The following ELMO1 variants were observed in gnomAD, a reference collection of about 807,000 sequenced individuals.
The protein encoded by ELMO1 is engulfment and cell motility 1, also known as engulfment and cell motility protein 1.
A neutral mutation model predicts 98.9 loss-of-function variants in ELMO1; 26 were observed. The observed-to-expected ratio is 0.26, with a 90% CI of 0.19 to 0.36. ELMO1 has a LOEUF of 0.36. ELMO1 is among the 10% of genes least tolerant of loss of function. ELMO1 has a pLI of 1.00. For missense variants in ELMO1, 627 were observed against 935.2 expected (o/e 0.67, Z 4.30); for synonymous variants, 346 against 346.0 (o/e 1.00, Z 0.00).
At chr7:37,252,803 A>G (rs1795426422) in intron 6 of ELMO1, among the ~76,000 whole-genome samples, 1 of 152,054 alleles carries the variant, frequency 6.6e-6, no homozygotes, top group Non-Finnish European at 1.5e-5. Flanking sequence ...AACCTACAGA[A>G]TGGGAGAAAA....
At chr7:37,303,070 T>C (rs1798428659) in intron 4 of ELMO1, among the ~76,000 whole-genome samples, 1 of 151,018 alleles carries the variant, frequency 6.6e-6, no homozygotes, top group Admixed American at 6.6e-5. Context: ...CTGCCCCCTA[T>C]GCCTGCCCTT....
intron 16 of ELMO1, among the ~76,000 whole-genome samples, chr7:36,974,023 C>T (rs186758984): frequency 6.6e-6 from 1 of 152,230 alleles, no homozygotes; most frequent in African/African-American, 2.4e-5. Flanking sequence ...AGCCTCCCCC[C>T]CACTCCGTGG....
At chr7:37,223,131 C>T (rs902343596) in intron 9 of ELMO1, among the ~76,000 whole-genome samples, 7 of 152,072 alleles carry the variant, frequency 4.6e-5, no homozygotes, top group Admixed American at 6.6e-5. Flanking sequence ...AATTGGATGG[C>T]TCTATTATAT....
chr7:36,959,871 G>C (rs1788798003), intron 16 of ELMO1, among the ~76,000 whole-genome samples: 1 of 152,078 alleles, frequency 6.6e-6, no homozygotes, highest in African/African-American at 2.4e-5. Context: ...AGTAGAGATA[G>C]GGTTTCACCA....
intron 14 of ELMO1, among the ~76,000 whole-genome samples, chr7:37,121,471 G>A (rs1414813278): frequency 6.6e-6 from 1 of 152,178 alleles, no homozygotes; most frequent in Non-Finnish European, 1.5e-5. Context: ...AGAACCACAT[G>A]ATAAATGCAC....
intron 7 of ELMO1, among the ~76,000 whole-genome samples, chr7:37,236,362 T>C (rs182757666): frequency 1.8e-3 from 276 of 152,332 alleles, no homozygotes; most frequent in African/African-American, 6.1e-3. Context: ...AGACTGCAAA[T>C]AGAGCTATAT....
At chr7:36,922,643 A>T (rs184534400) in intron 16 of ELMO1, among the ~76,000 whole-genome samples, 1 of 152,356 alleles carries the variant, frequency 6.6e-6, no homozygotes, top group Admixed American at 6.5e-5. Flanking sequence ...CATCTTATAA[A>T]TGAATATGAC....
chr7:37,366,719 C>A (rs1038382192), intron 1 of ELMO1, among the ~76,000 whole-genome samples: 1 of 152,228 alleles, frequency 6.6e-6, no homozygotes, highest in Non-Finnish European at 1.5e-5. Context: ...CACCTCCCAA[C>A]ATGGTGCAGT....
chr7:36,979,349 T>C (rs899169116), intron 16 of ELMO1, among the ~76,000 whole-genome samples: 1 of 152,252 alleles, frequency 6.6e-6, no homozygotes, highest in Admixed American at 6.5e-5. Context: ...TCATGGGAAA[T>C]GTACCTTCTT....
chr7:37,245,676 G>A (rs900918489), intron 6 of ELMO1, among the ~76,000 whole-genome samples: 4 of 152,146 alleles, frequency 2.6e-5, no homozygotes, highest in African/African-American at 9.7e-5. Flanking sequence ...CAGCACGCAA[G>A]GGCCAGAGGC....
chr7:37,242,355 C>T (rs774961099), intron 7 of ELMO1, among the ~76,000 whole-genome samples: 4 of 152,158 alleles, frequency 2.6e-5, no homozygotes, highest in Non-Finnish European at 5.9e-5. Flanking sequence ...TCATTACACT[C>T]ATACTTTTCT....
intron 17 of ELMO1, among the ~76,000 whole-genome samples, chr7:36,888,628 C>A (rs1367526150): frequency 6.6e-6 from 1 of 152,126 alleles, no homozygotes; most frequent in African/African-American, 2.4e-5. Context: ...GCTGTGACTC[C>A]CAAATGAGAC....
At chr7:36,984,775 T>C (rs1459995997) in intron 16 of ELMO1, 2 of 473,244 alleles carry the variant, frequency 4.2e-6, no homozygotes. Flanking sequence ...TTCAGGCACA[T>C]AAGACAGGAA....
At chr7:36,978,854 A>G (rs1457872446) in intron 16 of ELMO1, among the ~76,000 whole-genome samples, 1 of 152,246 alleles carries the variant, frequency 6.6e-6, no homozygotes, top group Non-Finnish European at 1.5e-5. Flanking sequence ...ATGAGTTGTT[A>G]GGAGATATTA....
intron 16 of ELMO1, among the ~76,000 whole-genome samples, chr7:36,931,919 A>T (rs561309293): frequency 6.6e-6 from 1 of 152,238 alleles, no homozygotes; most frequent in Non-Finnish European, 1.5e-5. Context: ...ACTTTTGTGT[A>T]TATCTTTCTC....
intron 16 of ELMO1, among the ~76,000 whole-genome samples, chr7:36,909,591 T>G (rs1784206469): frequency 6.6e-6 from 1 of 152,240 alleles, no homozygotes; most frequent in Non-Finnish European, 1.5e-5. Context: ...TTCGTGTGTG[T>G]GGGTTGGTAA....
chr7:37,170,922 A>G lies in ELMO1; in HGVS notation c.1087-37688T>C, dbSNP rs188806834. ...TGCCTGGCTGAACTTTCATTTTATA[A>G]ATTTATTTTTCCCAGAAACTTTGTA... is the stretch of plus-strand genomic sequence containing the variant. On this transcript the variant is annotated intron_variant, in intron 13 of 21. Transcript: ENST00000310758. 6.6e-3 allele frequency among the ~76,000 whole-genome samples: 1,009 copies of G among 152,156 alleles called. 6 individuals are homozygous for G. Among genetic ancestry groups the G allele is most frequent in the Non-Finnish European group, 0.011 (716 of 68,004 alleles).
At chr7:37,033,382 G>T (rs190932264) in intron 15 of ELMO1, 2 of 455,566 alleles carry the variant, frequency 4.4e-6, no homozygotes, top group African/African-American at 4.0e-5. Context: ...TCGTGTTCAC[G>T]GCAGTGTGAA....
intron 13 of ELMO1, among the ~76,000 whole-genome samples, chr7:37,147,217 G>T (rs1219709818): frequency 6.6e-6 from 1 of 152,120 alleles, no homozygotes; most frequent in African/African-American, 2.4e-5. Flanking sequence ...GAGGCACAAA[G>T]GTGCCTCATG....
Sources: allele counts gnomAD v4.1 joint callset (sites outside exome capture counted in the v4.1 genomes callset), GRCh38; gene constraint gnomAD v4.1.1; transcripts MANE v1.5; gene names NCBI Gene and HGNC (gene_info 2026-07-23, HGNC 2026-07-21).